Variants in SYT9 observed in about 807,000 individuals in gnomAD.
SYT9 encodes the protein synaptotagmin 9.
Under a neutral mutation model 48.4 loss-of-function variants are expected in SYT9, and 22 were observed. The observed-to-expected ratio is 0.45, with a 90% CI of 0.32 to 0.65. SYT9 has a LOEUF of 0.65. Among genes scored for constraint, SYT9 ranks in the 30% least tolerant of loss-of-function variants. SYT9 has a pLI of 0.03. For missense variants in SYT9, 577 were observed against 622.0 expected, an observed-to-expected ratio of 0.93 and a Z score of 0.77; for synonymous variants, 265 against 245.0, an observed-to-expected ratio of 1.08 and a Z score of -0.76.
At chr11:7,462,342 A>G (rs558703277) in intron 6 of SYT9, among the ~76,000 whole-genome samples, 11 of 151,734 alleles carry the variant, frequency 7.2e-5, no homozygotes, top group African/African-American at 2.7e-4. Flanking sequence ...GTGCTTAAGC[A>G]CTCAATAAAT....
rs1848374553 is a variant in SYT9 at position 7,468,883 on chromosome 11, G to C, written c.*2083G>C. The C allele has an allele frequency of 6.6e-6, 1 of 152,242 alleles. No individual in the cohort carries two copies. Among genetic ancestry groups the C allele is most frequent in the Non-Finnish European group, 1.5e-5 (1 of 68,070 alleles). The allele number at this position is 152,242 out of a possible 1,614,324, so 9.4% of individuals were successfully genotyped here. ...AAGAGTACTATCCACATGGCAGGCA[G>C]GTGGCTTTGTGTCTGGAAAGCTTTG... On this transcript the variant is annotated 3_prime_UTR_variant, in exon 7 of 7. Transcript: ENST00000318881.
intron 3 of SYT9, among the ~76,000 whole-genome samples, chr11:7,351,338 G>T (rs1288913919): frequency 2.6e-5 from 4 of 152,198 alleles, no homozygotes; most frequent in Non-Finnish European, 5.9e-5. Flanking sequence ...CCAGGGTCAA[G>T]CTCCCACAGT....
intron 3 of SYT9, among the ~76,000 whole-genome samples, chr11:7,315,381 G>C (rs754576559): frequency 1.3e-5 from 2 of 152,204 alleles, no homozygotes; most frequent in African/African-American, 2.4e-5. Context: ...GATACGAATG[G>C]CTCAGGCATC....
intron 3 of SYT9, among the ~76,000 whole-genome samples, chr11:7,352,706 C>T (rs959099142): frequency 3.9e-5 from 6 of 152,118 alleles, no homozygotes; most frequent in Admixed American, 1.3e-4. Flanking sequence ...GAAGATGAGA[C>T]ACACCTATGA....
intron 3 of SYT9, among the ~76,000 whole-genome samples, chr11:7,345,342 C>T (rs528084838): frequency 1.9e-4 from 29 of 152,346 alleles, no homozygotes; most frequent in Non-Finnish European, 4.1e-4. Context: ...TTTCCTGTCA[C>T]TCAAGGATCA....
At chr11:7,297,835 C>G (rs1848843305) in intron 1 of SYT9, among the ~76,000 whole-genome samples, 1 of 152,108 alleles carries the variant, frequency 6.6e-6, no homozygotes, top group South Asian at 2.1e-4. Context: ...GTAATTTTTT[C>G]TCAGAAGTTT....
intron 4 of SYT9, among the ~76,000 whole-genome samples, chr11:7,416,586 C>G (rs142863925): frequency 6.6e-6 from 1 of 152,138 alleles, no homozygotes; most frequent in Non-Finnish European, 1.5e-5. Context: ...GTTTTTTAAA[C>G]AATACAGTAT....
chr11:7,320,373 C>T (rs1393394920), intron 3 of SYT9, among the ~76,000 whole-genome samples: 1 of 152,172 alleles, frequency 6.6e-6, no homozygotes, highest in Admixed American at 6.6e-5. Context: ...TTTTTCTGAG[C>T]CCTGGACTAG....
At chr11:7,298,510 AT>A (rs1039321836) in intron 1 of SYT9, among the ~76,000 whole-genome samples, 8 of 152,002 alleles carry the variant, frequency 5.3e-5, no homozygotes, top group African/African-American at 1.9e-4. Context: ...CATTTCTTCC[AT>A]GGTTTTTCTT....
intron 3 of SYT9, among the ~76,000 whole-genome samples, chr11:7,317,317 C>A (rs1849260615): frequency 6.6e-6 from 1 of 152,150 alleles, no homozygotes; most frequent in Admixed American, 6.5e-5. Context: ...TCAACTTGGG[C>A]TGCCATAACA....
intron 3 of SYT9, among the ~76,000 whole-genome samples, chr11:7,388,788 T>C (rs1035221508): frequency 2.5e-4 from 38 of 152,304 alleles, no homozygotes; most frequent in African/African-American, 9.1e-4. Flanking sequence ...CTTTTCATTA[T>C]AGATTTCGAG....
chr11:7,290,122 C>T (rs1848672111), intron 1 of SYT9, among the ~76,000 whole-genome samples: 1 of 152,210 alleles, frequency 6.6e-6, no homozygotes, highest in East Asian at 1.9e-4. Flanking sequence ...TGCTTTTAAC[C>T]ACAGACAAGG....
chr11:7,269,953 A>G (rs543630953), intron 1 of SYT9, among the ~76,000 whole-genome samples: 1 of 152,220 alleles, frequency 6.6e-6, no homozygotes, highest in Non-Finnish European at 1.5e-5. Flanking sequence ...GATTCTGAGA[A>G]GCACAACAGC....
chr11:7,385,372 G>T (rs549890023), intron 3 of SYT9, among the ~76,000 whole-genome samples: 3 of 151,678 alleles, frequency 2.0e-5, no homozygotes, highest in African/African-American at 4.8e-5. Context: ...GTGTGTGTGC[G>T]TGTGTGTCCA....
Position 7,338,767 on chromosome 11 carries a change from C to T in SYT9, c.1044+24826C>T, listed in dbSNP as rs534799813. 9.2e-5 allele frequency among the ~76,000 whole-genome samples: 14 copies of T among 151,948 alleles called. No homozygotes were observed. The South Asian group carries it at 1.7e-3, about 18-fold the overall frequency. Reference sequence around the variant, plus strand: ...TGCTAAGGATTGTTTTATGTCTGATCGTGTGCTCGATTTGAGTATGTGCCA... The same window carrying T: ...TGCTAAGGATTGTTTTATGTCTGATTGTGTGCTCGATTTGAGTATGTGCCA... On this transcript the variant is annotated intron_variant, in intron 3 of 6. Coordinates refer to ENST00000318881, the MANE Select transcript of SYT9 (RefSeq NM_175733.4).
intron 6 of SYT9, among the ~76,000 whole-genome samples, chr11:7,466,180 A>G (rs1272330204): frequency 1.3e-5 from 2 of 152,152 alleles, no homozygotes; most frequent in Non-Finnish European, 2.9e-5. Context: ...TCTTCTTTCC[A>G]GAGGGATTCC....
intron 3 of SYT9, among the ~76,000 whole-genome samples, chr11:7,392,381 A>AT (rs775187306): frequency 3.4e-4 from 51 of 151,874 alleles, no homozygotes; most frequent in Non-Finnish European, 5.9e-4. Flanking sequence ...GCCATTGCTT[A>AT]TTTTTGTCAG....
intron 3 of SYT9, among the ~76,000 whole-genome samples, chr11:7,393,221 T>G (rs567904674): frequency 6.6e-6 from 1 of 152,266 alleles, no homozygotes; most frequent in East Asian, 1.9e-4. Context: ...TTCAGTATTA[T>G]GTTGGCTGTG....
chr11:7,453,128 T>G (rs1848089403), intron 6 of SYT9, among the ~76,000 whole-genome samples: 1 of 151,296 alleles, frequency 6.6e-6, no homozygotes, highest in South Asian at 2.1e-4. Flanking sequence ...CCGTGGCTCA[T>G]GCCTGTAATC....
Sources: gnomAD v4.1 joint callset for allele counts (sites outside exome capture counted in the v4.1 genomes callset) on GRCh38, gnomAD v4.1.1 for gene constraint, MANE v1.5 for transcripts, NCBI Gene and HGNC (gene_info 2026-07-23, HGNC 2026-07-21) for gene names.